DYSF: variants seen among roughly 807,000 people sequenced by gnomAD.
DYSF encodes the protein dystrophy-associated fer-1-like 1.
In DYSF, 212 loss-of-function variants were observed where a neutral mutation model predicts 274.9. The ratio of observed to expected loss-of-function variants is 0.77; its 90% CI spans 0.69 to 0.86. DYSF has a LOEUF of 0.86. DYSF is among the 40% of genes least tolerant of loss of function. DYSF has a pLI of 0.00. For synonymous variants in DYSF, 1,091 were observed against 1,078.7 expected (o/e 1.01, Z -0.22); for missense variants, 2,666 against 2,783.2 (o/e 0.96, Z 0.95).
intron 40 of DYSF, among the ~76,000 whole-genome samples, chr2:71,613,817 G>A (rs969741390): frequency 7.2e-5 from 11 of 152,268 alleles, no homozygotes; most frequent in African/African-American, 2.6e-4. Context: ...CCCTTCTTAG[G>A]GGGAAGGTTG....
In DYSF at chr2:71,676,717, T is replaced by C. The variant is rs2095228437; in HGVS notation, c.5885-2340T>C. ...CAGACTCATCCTTTGTTTTAAAAAATAAAACCATTAACGAATACTAGCTTT... is the reference window on the plus strand; with the variant it reads ...CAGACTCATCCTTTGTTTTAAAAAACAAAACCATTAACGAATACTAGCTTT... On this transcript the variant is annotated intron_variant, in intron 52 of 55. Coordinates refer to ENST00000410020, the MANE Select transcript of DYSF (RefSeq NM_001130987.2). Among the ~76,000 whole-genome samples, 6 of 152,184 alleles carry C rather than the reference T, an allele frequency of 3.9e-5. No individual in the cohort carries two copies. The South Asian group carries it at 1.2e-3, about 31-fold the overall frequency.
intron 1 of DYSF, among the ~76,000 whole-genome samples, chr2:71,458,470 G>A (rs2081159814): frequency 6.6e-6 from 1 of 152,190 alleles, no homozygotes. Flanking sequence ...GGGACACTGG[G>A]CCTGTCTTCT....
intron 1 of DYSF, among the ~76,000 whole-genome samples, chr2:71,471,657 G>A (rs2082039923): frequency 6.6e-6 from 1 of 151,802 alleles, no homozygotes; most frequent in African/African-American, 2.4e-5. Flanking sequence ...TTTCCCAAAT[G>A]TTTGCACATT....
intron 23 of DYSF, among the ~76,000 whole-genome samples, chr2:71,563,502 C>G (rs2152805617): frequency 6.6e-6 from 1 of 152,268 alleles, no homozygotes; most frequent in African/African-American, 2.4e-5. Flanking sequence ...TTAGGGGCCT[C>G]ACAGTTTTGT....
chr2:71,656,327 TAA>T (rs753173123), intron 43 of DYSF, 37 bp downstream of exon 43: 47 of 1,612,090 alleles, frequency 2.9e-5, no homozygotes, highest in Non-Finnish European at 3.6e-5. Context: ...CAGGTGGGCC[TAA>T]GACTGTGGTG....
chr2:71,587,028 C>T (rs1452225153), intron 30 of DYSF, among the ~76,000 whole-genome samples: 4 of 152,212 alleles, frequency 2.6e-5, no homozygotes, highest in African/African-American at 4.8e-5. Context: ...GTTGCACCTG[C>T]GGGCTGGCCA....
chr2:71,654,669 A>G (rs1318188826), intron 42 of DYSF, among the ~76,000 whole-genome samples: 1 of 152,144 alleles, frequency 6.6e-6, no homozygotes, highest in Non-Finnish European at 1.5e-5. Flanking sequence ...AATGTTCATC[A>G]TATCTTGTGA....
chr2:71,684,635 A>G (rs1293086328), intron 55 of DYSF, among the ~76,000 whole-genome samples: 1 of 152,228 alleles, frequency 6.6e-6, no homozygotes, highest in African/African-American at 2.4e-5. Flanking sequence ...GAGCTGCTGC[A>G]GACCCTCGCC....
At chr2:71,660,711 A>G in intron 45 of DYSF, 60 bp downstream of exon 45, 2 of 1,409,058 alleles carry the variant, frequency 1.4e-6, no homozygotes, top group African/African-American at 2.8e-5. Flanking sequence ...CCCACAGTCT[A>G]GTGGGGGAGA....
chr2:71,575,903 G>A (rs1384886768), intron 30 of DYSF, among the ~76,000 whole-genome samples: 3 of 152,186 alleles, frequency 2.0e-5, no homozygotes, highest in African/African-American at 2.4e-5. Flanking sequence ...TGTCTCACAC[G>A]GGCTCTCTCT....
At chr2:71,476,496 A>C (rs1286587555) in intron 1 of DYSF, among the ~76,000 whole-genome samples, 1 of 150,514 alleles carries the variant, frequency 6.6e-6, no homozygotes, top group East Asian at 2.0e-4. Context: ...AGCCGAGATC[A>C]CACCATCACA....
intron 7 of DYSF, 26 bp from the exon 8 acceptor site, chr2:71,515,597 T>C (rs2086569892): frequency 1.9e-6 from 3 of 1,613,960 alleles, no homozygotes; most frequent in Non-Finnish European, 2.5e-6. Context: ...CCCTTCCTCC[T>C]GCTCTTTCCT....
At chr2:71,679,473 A>G (rs2095269313) in intron 53 of DYSF, among the ~76,000 whole-genome samples, 1 of 152,020 alleles carries the variant, frequency 6.6e-6, no homozygotes, top group African/African-American at 2.4e-5. Flanking sequence ...TTAAACCAAA[A>G]GATTACTCTG....
chr2:71,594,043 G>C (rs2093343773), intron 32 of DYSF, among the ~76,000 whole-genome samples: 1 of 152,218 alleles, frequency 6.6e-6, no homozygotes, highest in South Asian at 2.1e-4. Flanking sequence ...AGGTCACAGT[G>C]GTGGGCCAGG....
In DYSF at chr2:71,682,604, G is replaced by A. The variant is rs763438653; in HGVS notation, c.6248G>A (p.Arg2083Gln). 1.5e-5 allele frequency: 24 copies of A among 1,614,094 alleles called. 1 individual carries two copies. The East Asian group carries it at 1.6e-4, about 10-fold the overall frequency. ...AAGTTCATCCTGTGGCGGCGTTTCC[G>A]GTGGGCCATCATCCTCTTCATCATC... ...TMKFILWRRF[R>Q]WAIILFIILF... Residue 2083 changes from arginine (R) to glutamine (Q), a missense_variant, in exon 55 of 56, where the codon CGG becomes CAG. Coordinates refer to ENST00000410020, the MANE Select transcript of DYSF (RefSeq NM_001130987.2).
At chr2:71,491,505 C>G (rs2083853003) in intron 3 of DYSF, among the ~76,000 whole-genome samples, 1 of 152,198 alleles carries the variant, frequency 6.6e-6, no homozygotes, top group Non-Finnish European at 1.5e-5. Flanking sequence ...CAGATTATTT[C>G]CTCACCCAGG....
At chr2:71,683,769 T>C (rs934474350) in intron 55 of DYSF, among the ~76,000 whole-genome samples, 2 of 152,238 alleles carry the variant, frequency 1.3e-5, no homozygotes, top group African/African-American at 4.8e-5. Flanking sequence ...GACAGGCTGC[T>C]TGGGGAACTG....
intron 3 of DYSF, among the ~76,000 whole-genome samples, chr2:71,487,747 G>T (rs2083477719): frequency 6.6e-6 from 1 of 152,160 alleles, no homozygotes; most frequent in South Asian, 2.1e-4. Flanking sequence ...GACCTCAGGT[G>T]ATCTACCTGC....
chr2:71,544,021 T>C (rs1030795392), intron 17 of DYSF, among the ~76,000 whole-genome samples: 2 of 152,218 alleles, frequency 1.3e-5, no homozygotes, highest in African/African-American at 4.8e-5. Flanking sequence ...ACTCCTTTTA[T>C]ATTTTCCTTT....
Sources: allele counts gnomAD v4.1 joint callset (sites outside exome capture counted in the v4.1 genomes callset), GRCh38; gene constraint gnomAD v4.1.1; transcripts MANE v1.5; gene names NCBI Gene and HGNC (gene_info 2026-07-23, HGNC 2026-07-21).